The following POM121 variants were observed in gnomAD, a reference collection of about 807,000 sequenced individuals.
The protein encoded by POM121 is POM121 transmembrane nucleoporin, also known as nuclear envelope pore membrane protein POM 121.
In POM121, 32 loss-of-function variants were observed where a neutral mutation model predicts 81.3. The observed-to-expected ratio is 0.39, with a 90% CI of 0.30 to 0.53. The LOEUF (loss-of-function observed/expected upper bound fraction) is 0.53, where lower values mean the gene tolerates loss of function less well. POM121 is among the 20% of genes least tolerant of loss of function. The pLI is 0.66. For missense variants in POM121, 1,138 were observed against 1,614.6 expected, an observed-to-expected ratio of 0.70 and a Z score of 5.06; for synonymous variants, 514 against 694.2, an observed-to-expected ratio of 0.74 and a Z score of 4.08.
chr7:72,946,026 A>G (rs1345249763), intron 12 of POM121, 111 bp from the exon 13 acceptor site: 7 of 1,483,960 alleles, frequency 4.7e-6, no homozygotes, highest in South Asian at 1.4e-5. Context: ...GGAAAGCCCT[A>G]TTGAGGCACC....
At chr7:72,880,338 G>A (rs1310388234) in intron 1 of POM121, among the ~76,000 whole-genome samples, 1 of 152,194 alleles carries the variant, frequency 6.6e-6, no homozygotes, top group East Asian at 1.9e-4. Context: ...GCCTTAGCAG[G>A]TGGGTGACTT....
Position 72,946,685 on chromosome 7 carries a change from T to C in POM121, c.*451T>C, listed in dbSNP as rs1797720833. 1 of 974,632 alleles carries C rather than the reference T, an allele frequency of 1.0e-6. No individual in the cohort carries two copies. The highest frequency in any genetic ancestry group is 1.8e-5 in the African/African-American group (1 of 55,116). 60.4% of individuals were successfully genotyped at this position (974,632 alleles called of 1,614,324 possible). A position where few individuals can be genotyped will look rare whatever the true frequency, so the allele number is the denominator to read the frequency against. The stretch of plus-strand genomic sequence containing the variant: ...TCCGTAAAGCTTTATCTTGCTTGGC[T>C]TAGCTGTGAGAAGTGGTTCTCTTCC... On this transcript the variant is annotated 3_prime_UTR_variant, in exon 13 of 13. Coordinates refer to ENST00000434423, the MANE Select transcript of POM121 (RefSeq NM_001387691.1).
Position 72,906,111 on chromosome 7 carries a change from CTG to C in POM121, c.-215-7650_-215-7649del, listed in dbSNP as rs1298912681. 9.2e-5 allele frequency among the ~76,000 whole-genome samples: 14 copies of C among 152,288 alleles called. No individual in the cohort carries two copies. In the East Asian group the frequency reaches 1.3e-3, roughly 15 times the overall value. On this transcript the variant is annotated intron_variant, in intron 3 of 15. Coordinates refer to the POM121 transcript ENST00000395270. ...TGTGTTTGTGTGGTCACTGAAATTT[CTG>C]TGTCATTATCTCTGCAGTCAGCCAG...
In POM121 at chr7:72,919,205, CT is replaced by C. The variant is rs782471353; in HGVS notation, c.-152+5399del. 9.1e-3 allele frequency among the ~76,000 whole-genome samples: 1,015 copies of C among 111,346 alleles called. 7 individuals carry two copies. The highest frequency in any genetic ancestry group is 0.023 in the African/African-American group (677 of 28,842). 73.0% of individuals were successfully genotyped at this position (111,346 alleles called of 152,430 possible). A position where few individuals can be genotyped will look rare whatever the true frequency, so the allele number is the denominator to read the frequency against. On this transcript the variant is annotated intron_variant, in intron 4 of 15. Coordinates refer to the POM121 transcript ENST00000395270. Reference sequence around the variant, plus strand: ...ACAGGCGTAAGCCACCATGCCCAGCCTTTTTTTTTTTTTTTTTTTTTTAATA... The same window carrying C: ...ACAGGCGTAAGCCACCATGCCCAGCCTTTTTTTTTTTTTTTTTTTTTAATA...
Position 72,925,541 on chromosome 7 carries a change from C to T in POM121, c.420C>T (p.Tyr140=). The part of the protein sequence containing the change: ...DPAELLLMGS[Y]LGKPGPPQPA... ...CGGAACTGCTACTCATGGGCAGTTA[C>T]CTGGGCAAGCCCGGGCCGCCGCAGC... Residue 140 remains tyrosine, a synonymous_variant, in exon 1 of 13, where the codon TAC becomes TAT. Transcript: ENST00000434423. 5 of 1,532,810 alleles carry T rather than the reference C, an allele frequency of 3.3e-6. No homozygotes were observed. Among genetic ancestry groups the T allele is most frequent in the Non-Finnish European group, 4.4e-6 (5 of 1,146,176 alleles). The allele number at this position is 1,532,810 out of a possible 1,614,324, so 95.0% of individuals were successfully genotyped here.
chr7:72,945,384 G>A (rs1433186424), intron 11 of POM121, among the ~76,000 whole-genome samples: 1 of 151,778 alleles, frequency 6.6e-6, no homozygotes, highest in Non-Finnish European at 1.5e-5. Flanking sequence ...GCCATTAGCG[G>A]GTGGGAGAAG....
intron 5 of POM121, 117 bp from the exon 6 acceptor site, chr7:72,938,473 G>A: frequency 1.6e-6 from 2 of 1,255,054 alleles, no homozygotes; most frequent in Non-Finnish European, 2.3e-6. Flanking sequence ...TTACAGGCAT[G>A]ACTAACCATT....
chr7:72,928,582 C>T (rs77788393), intron 4 of POM121, 117 bp downstream of exon 4: 41,446 of 1,265,536 alleles, frequency 0.033, 1,183 homozygotes, highest in Non-Finnish European at 0.032. Flanking sequence ...TTCAGGTTCA[C>T]GTCTTTGAAA....
At chr7:72,936,483 T>C (rs1379432514) in intron 5 of POM121, among the ~76,000 whole-genome samples, 1 of 151,330 alleles carries the variant, frequency 6.6e-6, no homozygotes, top group Non-Finnish European at 1.5e-5. Flanking sequence ...TTCACCATGT[T>C]AGCCAGGATG....
At chr7:72,929,286 AC>A (rs1408551795) in intron 4 of POM121, among the ~76,000 whole-genome samples, 1 of 152,216 alleles carries the variant, frequency 6.6e-6, no homozygotes, top group Non-Finnish European at 1.5e-5. Context: ...GCTCTGTTTG[AC>A]TTCAAATAGG....
chr7:72,941,308 G>T (rs1482360004), intron 10 of POM121, among the ~76,000 whole-genome samples: 15 of 152,058 alleles, frequency 9.9e-5, no homozygotes, highest in South Asian at 6.2e-4. Flanking sequence ...GCGTGGTCAG[G>T]ATATCCTTGC....
chr7:72,917,726 G>A (rs1470713000), intron 4 of POM121, among the ~76,000 whole-genome samples: 3 of 152,200 alleles, frequency 2.0e-5, no homozygotes, highest in Non-Finnish European at 4.4e-5. Context: ...TGTGTGCAGC[G>A]ATGAGAGAGT....
At chr7:72,902,476 TC>T in intron 3 of POM121, among the ~76,000 whole-genome samples, 1 of 151,878 alleles carries the variant, frequency 6.6e-6, no homozygotes, top group East Asian at 1.9e-4. Context: ...TTCAATAATT[TC>T]TATTTTTTTC....
intron 5 of POM121, among the ~76,000 whole-genome samples, chr7:72,933,540 T>C (rs1796226483): frequency 6.6e-6 from 1 of 152,134 alleles, no homozygotes; most frequent in African/African-American, 2.4e-5. Flanking sequence ...CTATTCCAAA[T>C]GAAGCAAAGT....
At chr7:72,924,994 C>T, upstream of POM121, 3 of 1,324,992 alleles carry the variant, frequency 2.3e-6, no homozygotes, top group Non-Finnish European at 2.9e-6. Context: ...CCAGTTGGGT[C>T]TCGGGCGCTG....
At chr7:72,928,751 C>T (rs1164448631) in intron 4 of POM121, among the ~76,000 whole-genome samples, 3 of 152,138 alleles carry the variant, frequency 2.0e-5, no homozygotes, top group African/African-American at 4.8e-5. Context: ...AAAGTTTGTG[C>T]AGTGGATAAA....
At chr7:72,937,907 C>G (rs1375223349) in intron 5 of POM121, among the ~76,000 whole-genome samples, 1 of 152,142 alleles carries the variant, frequency 6.6e-6, no homozygotes, top group Non-Finnish European at 1.5e-5. Flanking sequence ...AACGTTACGA[C>G]AGCATATTTT....
At chr7:72,938,289 C>A (rs1796717281) in intron 5 of POM121, among the ~76,000 whole-genome samples, 1 of 150,604 alleles carries the variant, frequency 6.6e-6, no homozygotes. Flanking sequence ...TGCAGTGGGG[C>A]AATCTCAGCT....
intron 3 of POM121, among the ~76,000 whole-genome samples, chr7:72,905,454 A>G (rs1195487272): frequency 6.6e-6 from 1 of 152,190 alleles, no homozygotes; most frequent in African/African-American, 2.4e-5. Flanking sequence ...CTGTAATCCC[A>G]TCACTTTGGG....
Sources: gnomAD v4.1 joint callset for allele counts (sites outside exome capture counted in the v4.1 genomes callset) on GRCh38, gnomAD v4.1.1 for gene constraint, MANE v1.5 for transcripts, NCBI Gene and HGNC (gene_info 2026-07-23, HGNC 2026-07-21) for gene names.